Variants in PIK3CB observed in about 807,000 individuals in gnomAD.
PIK3CB encodes the protein phosphatidylinositol 4,5-bisphosphate 3-kinase catalytic subunit beta isoform.
A neutral mutation model predicts 136.8 loss-of-function variants in PIK3CB; 39 were observed. That is an observed-to-expected ratio of 0.29 (90% CI 0.22 to 0.37). PIK3CB has a LOEUF of 0.37. PIK3CB is among the 10% of genes least tolerant of loss of function. The pLI is 1.00. For synonymous variants in PIK3CB, 428 were observed against 436.6 expected, an observed-to-expected ratio of 0.98 and a Z score of 0.25; for missense variants, 868 against 1,275.4, an observed-to-expected ratio of 0.68 and a Z score of 4.87.
At chr3:138,679,936 T>TAAAA (rs61222749) in intron 19 of PIK3CB, among the ~76,000 whole-genome samples, 2 of 110,850 alleles carry the variant, frequency 1.8e-5, no homozygotes, top group Non-Finnish European at 1.9e-5. Flanking sequence ...AACACAAAAG[T>TAAAA]AAAAAAAAAA....
At chr3:138,784,850 C>T (rs1246275130) in intron 2 of PIK3CB, among the ~76,000 whole-genome samples, 1 of 152,190 alleles carries the variant, frequency 6.6e-6, no homozygotes, top group Non-Finnish European at 1.5e-5. Context: ...CCGGCCGCCA[C>T]CCCGTCTGGG....
intron 4 of PIK3CB, among the ~76,000 whole-genome samples, chr3:138,750,836 T>C (rs1412473173): frequency 6.6e-6 from 1 of 152,208 alleles, no homozygotes; most frequent in Non-Finnish European, 1.5e-5. Flanking sequence ...TGACATAGCA[T>C]AGCAGTTAAT....
chr3:138,662,713 T>C (rs1577042449), intron 21 of PIK3CB, among the ~76,000 whole-genome samples: 1 of 151,772 alleles, frequency 6.6e-6, no homozygotes. Context: ...GTTGAACTAG[T>C]TTACAGTCCC....
intron 2 of PIK3CB, among the ~76,000 whole-genome samples, chr3:138,796,120 T>C (rs1394519961): frequency 6.6e-6 from 1 of 152,124 alleles, no homozygotes; most frequent in South Asian, 2.1e-4. Flanking sequence ...CAGTGGCTCA[T>C]GCCTGTAATC....
chr3:138,826,490 A>G (rs1369940299), intron 1 of PIK3CB, among the ~76,000 whole-genome samples: 1 of 142,844 alleles, frequency 7.0e-6, no homozygotes, highest in East Asian at 2.1e-4. Flanking sequence ...TGTGTTATGG[A>G]CCATTTGGGT....
rs576991160 is a variant in PIK3CB at position 138,710,044 on chromosome 3, C to G, written c.1399+2164G>C. 8.3e-5 allele frequency among the ~76,000 whole-genome samples: 12 copies of G among 145,320 alleles called. No homozygotes were observed. In the South Asian group the frequency reaches 2.4e-3, roughly 29 times the overall value. Reference sequence around the variant, plus strand: ...AATACAAAAAAAAAAAAAAAAAAAGCCGGGTGTGGTGGCGTATGCCTATAG... The same window carrying G: ...AATACAAAAAAAAAAAAAAAAAAAGGCGGGTGTGGTGGCGTATGCCTATAG... On this transcript the variant is annotated intron_variant, in intron 10 of 23. Transcript: ENST00000674063.
intron 1 of PIK3CB, chr3:138,825,534 C>A: frequency 1.5e-6 from 1 of 661,322 alleles, no homozygotes; most frequent in Non-Finnish European, 2.7e-6. Flanking sequence ...CTGGTGGGAA[C>A]AGTGACAACA....
chr3:138,746,512 T>G (rs1464481701), intron 4 of PIK3CB, among the ~76,000 whole-genome samples: 6 of 151,712 alleles, frequency 4.0e-5, no homozygotes, highest in African/African-American at 1.2e-4. Context: ...TACAAAAAAA[T>G]TAGCCAAGAG....
chr3:138,694,958 TA>T, intron 13 of PIK3CB, 51 bp from the exon 14 acceptor site: 1 of 1,547,758 alleles, frequency 6.5e-7, no homozygotes, highest in Non-Finnish European at 8.7e-7. Flanking sequence ...AAAAGTAATC[TA>T]ATTTTCCTTG....
At chr3:138,781,958 C>T (rs2045928496) in intron 2 of PIK3CB, among the ~76,000 whole-genome samples, 2 of 152,158 alleles carry the variant, frequency 1.3e-5, no homozygotes, top group Non-Finnish European at 2.9e-5. Flanking sequence ...TTCCTATTAC[C>T]CAACTTTGGT....
At chr3:138,788,221 A>T (rs1192174524) in intron 2 of PIK3CB, among the ~76,000 whole-genome samples, 2 of 151,978 alleles carry the variant, frequency 1.3e-5, no homozygotes, top group Non-Finnish European at 2.9e-5. Flanking sequence ...CCACGCCTGG[A>T]TGAAGACACC....
At chr3:138,779,453 C>G (rs143383239) in intron 2 of PIK3CB, among the ~76,000 whole-genome samples, 1 of 146,436 alleles carries the variant, frequency 6.8e-6, no homozygotes, top group South Asian at 2.2e-4. Context: ...TACAGTGGCA[C>G]GATCTTGGCT....
At chr3:138,674,165 T>C (rs2043597643) in intron 19 of PIK3CB, among the ~76,000 whole-genome samples, 1 of 151,764 alleles carries the variant, frequency 6.6e-6, no homozygotes, top group Admixed American at 6.6e-5. Context: ...CTGGTAGGAA[T>C]CTAGAAGGCC....
chr3:138,796,099 T>A (rs1027969618), intron 2 of PIK3CB, among the ~76,000 whole-genome samples: 4 of 152,054 alleles, frequency 2.6e-5, no homozygotes, highest in African/African-American at 9.7e-5. Context: ...AGATTCATAA[T>A]CTGCTGGGAG....
intron 19 of PIK3CB, among the ~76,000 whole-genome samples, chr3:138,668,043 G>C (rs2043452394): frequency 1.3e-5 from 2 of 151,792 alleles, no homozygotes; most frequent in Admixed American, 6.6e-5. Context: ...ACTCCAGCCT[G>C]GGCAATAAGA....
Position 138,657,663 on chromosome 3 carries a change from C to T in PIK3CB, c.2942+27G>A, listed in dbSNP as rs779617068. The T allele has an allele frequency of 9.4e-6, 15 of 1,602,062 alleles. 1 individual carries two copies. In the South Asian group the frequency reaches 1.6e-4, roughly 17 times the overall value. On this transcript the variant is annotated intron_variant, in intron 22 of 23. Coordinates refer to ENST00000674063, the MANE Select transcript of PIK3CB (RefSeq NM_006219.3). ...CAGATAAGAAAATGTTAGAAGTGTT[C>T]AGCCTTGGCACAAGGGCAGTACTCA... is the stretch of plus-strand genomic sequence containing the variant.
chr3:138,735,315 TAAAGA>T (rs2045080568), intron 6 of PIK3CB, among the ~76,000 whole-genome samples: 1 of 152,072 alleles, frequency 6.6e-6, no homozygotes, highest in Non-Finnish European at 1.5e-5. Context: ...CCTAAGTACC[TAAAGA>T]AATGAGTTAG....
At chr3:138,709,143 G>A (rs942267524) in intron 10 of PIK3CB, among the ~76,000 whole-genome samples, 6 of 152,026 alleles carry the variant, frequency 3.9e-5, no homozygotes, top group Non-Finnish European at 8.8e-5. Context: ...ACGCTATTGA[G>A]GAACAATTTG....
chr3:138,742,443 G>A (rs957990442), intron 5 of PIK3CB, 115 bp downstream of exon 5: 5 of 591,344 alleles, frequency 8.5e-6, no homozygotes, highest in Middle Eastern at 9.0e-4. Context: ...ATATAAAATT[G>A]TTCTTTCTAA....
Sources: gnomAD v4.1 joint callset for allele counts (sites outside exome capture counted in the v4.1 genomes callset) on GRCh38, gnomAD v4.1.1 for gene constraint, MANE v1.5 for transcripts, NCBI Gene and HGNC (gene_info 2026-07-23, HGNC 2026-07-21) for gene names.